Variants in ARF1 observed in about 807,000 individuals in gnomAD.
The protein encoded by ARF1 is ADP-ribosylation factor 1.
ARF1 carries 1 observed loss-of-function variant against 18.0 expected under a neutral mutation model. That is an observed-to-expected ratio of 0.06 (90% CI 0.02 to 0.26). The LOEUF (loss-of-function observed/expected upper bound fraction) is 0.26. Ranked by LOEUF, ARF1 falls within the 10% of genes least tolerant of loss-of-function variation. The pLI, the probability that ARF1 is intolerant of heterozygous loss-of-function variation, is 1.00. For missense variants in ARF1, 73 were observed against 247.2 expected (o/e 0.30, Z 4.73); for synonymous variants, 112 against 96.3 (o/e 1.16, Z -0.95).
At position 228,089,919 on chromosome 1, in the gene ARF1, C is replaced by T. The variant is rs1246875588; in HGVS notation, c.-38+7154C>T. 6.6e-6 allele frequency among the ~76,000 whole-genome samples: 1 copy of T among 152,184 alleles called. No individual in the cohort carries two copies. Among genetic ancestry groups the T allele is most frequent in the African/African-American group, 2.4e-5 (1 of 41,440 alleles). ...GTGAACTGGCAAAACTGAGTATCAC[C>T]CTCTCTTCCTGGGTTCTTGCCACTC... On this transcript the variant is annotated intron_variant, in intron 1 of 4. Coordinates refer to ENST00000272102, the MANE Select transcript of ARF1 (RefSeq NM_001658.4). This position sits in a 1 kb window ranked among gnomAD's most constrained non-coding sequence, Gnocchi z 4.1.
At chr1:228,085,629 C>A (rs1330476015) in intron 1 of ARF1, among the ~76,000 whole-genome samples, 5 of 152,210 alleles carry the variant, frequency 3.3e-5, no homozygotes, top group Non-Finnish European at 7.3e-5. Context: ...GTGCTTCTTA[C>A]AGGCCCTGAT....
In ARF1 at chr1:228,098,022, C is replaced by T; in HGVS notation, c.*9C>T. The stretch of plus-strand genomic sequence containing the variant: ...TCCGGAACCAGAAGTGAACGCGACC[C>T]CCCTCCCTCTCACTCCTCTTGCCCT... On this transcript the variant is annotated 3_prime_UTR_variant, in exon 5 of 5. Coordinates refer to ENST00000272102, the MANE Select transcript of ARF1 (RefSeq NM_001658.4). 2 of 1,605,886 alleles carry T rather than the reference C, an allele frequency of 1.2e-6. No individual in the cohort carries two copies. Among genetic ancestry groups the T allele is most frequent in the Admixed American group, 1.7e-5 (1 of 59,592 alleles).
chr1:228,099,061 C>G lies in ARF1; in HGVS notation c.*1048C>G, dbSNP rs912403915. 1 of 152,648 alleles carries G rather than the reference C, an allele frequency of 6.6e-6. No individual in the cohort carries two copies. The highest frequency in any genetic ancestry group is 6.5e-5 in the Admixed American group (1 of 15,284). 9.5% of individuals were successfully genotyped at this position (152,648 alleles called of 1,614,324 possible). A position where few individuals can be genotyped will look rare whatever the true frequency, so the allele number is the denominator to read the frequency against. On this transcript the variant is annotated 3_prime_UTR_variant, in exon 5 of 5. Transcript: ENST00000272102. ...GCTGTTAAATTTATCTTGGGGAAAC[C>G]TCAGAACTGGTCTATTTGGTGTCGT...
chr1:228,085,974 G>A (rs2032385716), intron 1 of ARF1, among the ~76,000 whole-genome samples: 1 of 152,166 alleles, frequency 6.6e-6, no homozygotes, highest in Non-Finnish European at 1.5e-5. Context: ...CAGCCCCTAC[G>A]AAACTTCAGG....
intron 1 of ARF1, among the ~76,000 whole-genome samples, chr1:228,094,504 G>T (rs938900831): frequency 1.3e-5 from 2 of 152,054 alleles, no homozygotes; most frequent in Admixed American, 1.3e-4. Flanking sequence ...TTTCCGCATT[G>T]CCTAGAGTTG....
At chr1:228,091,536 A>G (rs775268215) in intron 1 of ARF1, among the ~76,000 whole-genome samples, 1 of 152,148 alleles carries the variant, frequency 6.6e-6, no homozygotes, top group Non-Finnish European at 1.5e-5. Flanking sequence ...CTTTTGTCTC[A>G]ATCTGCATGA....
In ARF1 at chr1:228,097,455, A is replaced by G. The variant is rs1389198267; in HGVS notation, c.259+3A>G. 1 of 1,613,908 alleles carries G rather than the reference A, an allele frequency of 6.2e-7. No homozygotes were observed. Among genetic ancestry groups the G allele is most frequent in the South Asian group, 1.1e-5 (1 of 91,016 alleles). On this transcript the variant is annotated splice_donor_region_variant and intron_variant, in intron 3 of 4. Transcript: ENST00000272102. The surrounding 1 kb of genome is among the most constrained non-coding windows in gnomAD (Gnocchi z 8.1). ...CCACTACTTCCAGAACACACAAGGTAAGTGGCTGGGGCCTGGTCCCATGGG... is the reference window on the plus strand; with the variant it reads ...CCACTACTTCCAGAACACACAAGGTGAGTGGCTGGGGCCTGGTCCCATGGG...
rs1447268730 is a variant in ARF1, at chr1:228,097,642, G to A, written c.311G>A (p.Arg104His). ...GACAGAGAGCGTGTGAACGAGGCCC[G>A]TGAGGAGCTCATGAGGATGCTGGCC... ...SNDRERVNEA[R>H]EELMRMLAED... Residue 104 changes from arginine to histidine, a missense_variant, in exon 4 of 5, where the codon CGT (arginine) becomes CAT (histidine). By Grantham distance (29) the Arg-to-His change is conservative. Around this residue, in one of 3 missense-constraint regions of ARF1, gnomAD observed 48 missense variants for 144.7 expected, o/e 0.33. Transcript: ENST00000272102. The surrounding 1 kb of genome is among the most constrained non-coding windows in gnomAD (Gnocchi z 8.1). 3.1e-6 allele frequency: 5 copies of A among 1,614,176 alleles called. No individual in the cohort carries two copies. Among genetic ancestry groups the A allele is most frequent in the Non-Finnish European group, 4.2e-6 (5 of 1,180,014 alleles).
chr1:228,097,537 G>A lies in ARF1; in HGVS notation c.260-54G>A. 1 of 1,614,036 alleles carries A rather than the reference G, an allele frequency of 6.2e-7. No homozygotes were observed. The highest frequency in any genetic ancestry group is 8.5e-7 in the Non-Finnish European group (1 of 1,179,990). ...CATAGATGGGGCATCGATGCCCATA[G>A]ATGCGGCAGGGGGGCTGTGTTCCCA... is the stretch of plus-strand genomic sequence containing the variant. On this transcript the variant is annotated intron_variant, in intron 3 of 4. Transcript: ENST00000272102. The surrounding 1 kb of genome is among the most constrained non-coding windows in gnomAD (Gnocchi z 8.1).
At chr1:228,091,256 C>T (rs2032566669) in intron 1 of ARF1, among the ~76,000 whole-genome samples, 1 of 152,192 alleles carries the variant, frequency 6.6e-6, no homozygotes, top group African/African-American at 2.4e-5. Context: ...GTGATCTAAA[C>T]TGAATTTCAC....
At position 228,097,818 on chromosome 1, in the gene ARF1, G is replaced by A; in HGVS notation, c.385-34G>A. 1 of 1,604,246 alleles carries A rather than the reference G, an allele frequency of 6.2e-7. No homozygotes were observed. Among genetic ancestry groups the A allele is most frequent in the Non-Finnish European group, 8.5e-7 (1 of 1,174,190 alleles). ...GTGGGGCCCCTTTCTCTGTCCTGTG[G>A]ACAGCCCTTCCCACCAACCCTTCCT... On this transcript the variant is annotated intron_variant, in intron 4 of 4. Transcript: ENST00000272102. This position sits in a 1 kb window ranked among gnomAD's most constrained non-coding sequence, Gnocchi z 8.1.
chr1:228,087,776 A>C (rs1369146710), intron 1 of ARF1, among the ~76,000 whole-genome samples: 1 of 152,224 alleles, frequency 6.6e-6, no homozygotes, highest in East Asian at 1.9e-4. Flanking sequence ...TCAGTAGTTA[A>C]CAGCATCTAC....
intron 1 of ARF1, among the ~76,000 whole-genome samples, chr1:228,087,890 T>G (rs1159516471): frequency 1.3e-5 from 2 of 152,186 alleles, no homozygotes; most frequent in Non-Finnish European, 2.9e-5. Flanking sequence ...TGCGATAGGT[T>G]TTTCGTGACG....
Position 228,097,520 on chromosome 1 carries a change from G to GGGCATCGATGCCCATAGATGC in ARF1, c.260-66_260-46dup. ...GAGAGGGGGGGCCAGCCCATAGATGGGGCATCGATGCCCATAGATGCGGCA... is the reference window on the plus strand; with the variant it reads ...GAGAGGGGGGGCCAGCCCATAGATGGGGCATCGATGCCCATAGATGCGGCATCGATGCCCATAGATGCGGCA... On this transcript the variant is annotated intron_variant, in intron 3 of 4. Coordinates refer to ENST00000272102, the MANE Select transcript of ARF1 (RefSeq NM_001658.4). This position sits in a 1 kb window ranked among gnomAD's most constrained non-coding sequence, Gnocchi z 8.1. The GGGCATCGATGCCCATAGATGC allele has an allele frequency of 2.8e-5, 45 of 1,613,890 alleles. No individual in the cohort carries two copies. The highest frequency in any genetic ancestry group is 3.7e-5 in the Non-Finnish European group (44 of 1,179,924).
At position 228,089,770 on chromosome 1, in the gene ARF1, G is replaced by A. The variant is rs1351588171; in HGVS notation, c.-38+7005G>A. On this transcript the variant is annotated intron_variant, in intron 1 of 4. Transcript: ENST00000272102. The surrounding 1 kb of genome is among the most constrained non-coding windows in gnomAD (Gnocchi z 4.1). ...CCCCTTTTTTTTTTCAAGTGGTGTA[G>A]AAAGGGGCCTTCAGGGCCCTGGATC... is the stretch of plus-strand genomic sequence containing the variant. Among the ~76,000 whole-genome samples the A allele has an allele frequency of 1.3e-5, 2 of 151,936 alleles. No individual in the cohort carries two copies. The highest frequency in any genetic ancestry group is 4.8e-5 in the African/African-American group (2 of 41,336).
intron 1 of ARF1, among the ~76,000 whole-genome samples, chr1:228,086,959 G>T (rs2032422161): frequency 6.6e-6 from 1 of 152,232 alleles, no homozygotes; most frequent in Non-Finnish European, 1.5e-5. Flanking sequence ...AGAACTGGTT[G>T]CTTGCTTGGC....
chr1:228,097,286 T>TGGGCC lies in ARF1; in HGVS notation c.148+28_148+29insCGGGC, dbSNP rs760840584. The TGGGCC allele has an allele frequency of 6.2e-7, 1 of 1,604,980 alleles. No individual in the cohort carries two copies. Among genetic ancestry groups the TGGGCC allele is most frequent in the South Asian group, 1.1e-5 (1 of 89,900 alleles). On this transcript the variant is annotated intron_variant, in intron 2 of 4. Transcript: ENST00000272102. This position sits in a 1 kb window ranked among gnomAD's most constrained non-coding sequence, Gnocchi z 8.1. Reference sequence around the variant, plus strand: ...AGGTGAGGTGGGGGCCAGCAGGGAGTGGGCTGGGCTGGGCTGGGCCAAGGT... The same window carrying TGGGCC: ...AGGTGAGGTGGGGGCCAGCAGGGAGTGGGCCGGGCTGGGCTGGGCTGGGCCAAGGT...
chr1:228,086,846 A>C (rs931163070), intron 1 of ARF1, among the ~76,000 whole-genome samples: 3 of 152,232 alleles, frequency 2.0e-5, no homozygotes, highest in African/African-American at 7.2e-5. Flanking sequence ...GGCTGTCCAG[A>C]AGCACAGGTA....
At chr1:228,084,612 T>C (rs1245807435) in intron 1 of ARF1, among the ~76,000 whole-genome samples, 2 of 152,226 alleles carry the variant, frequency 1.3e-5, no homozygotes, top group Non-Finnish European at 2.9e-5. Context: ...TTGCACAATA[T>C]GGAGAGGACA....
Sources: gnomAD v4.1 joint callset for allele counts (sites outside exome capture counted in the v4.1 genomes callset) on GRCh38, gnomAD v4.1.1 for gene constraint, gnomAD v4.1.1 regional missense constraint, Gnocchi (gnomAD v3.1) non-coding constraint, MANE v1.5 for transcripts, NCBI Gene and HGNC (gene_info 2026-07-23, HGNC 2026-07-21) for gene names.